ALK: variants seen among roughly 807,000 people sequenced by gnomAD.
ALK encodes the protein ALK receptor tyrosine kinase, also known as ALK tyrosine kinase receptor.
Under a neutral mutation model 163.1 loss-of-function variants are expected in ALK, and 74 were observed. The ratio of observed to expected loss-of-function variants is 0.45; its 90% CI spans 0.38 to 0.55. The LOEUF is 0.55. Among genes scored for constraint, ALK ranks in the 20% least tolerant of loss-of-function variants. The pLI is 0.00. For missense variants in ALK, 2,063 were observed against 2,105.3 expected (o/e 0.98, Z 0.39); for synonymous variants, 960 against 843.2 (o/e 1.14, Z -2.40).
chr2:29,728,074 T>C lies in ALK; in HGVS notation c.668-10377A>G, dbSNP rs75765940. Reference sequence around the variant, plus strand: ...AGGAGGGAGAAGAAATAGGGAGACATGTTTTTGTTCTTTAAACCTTTAAGC... The same window carrying C: ...AGGAGGGAGAAGAAATAGGGAGACACGTTTTTGTTCTTTAAACCTTTAAGC... On this transcript the variant is annotated intron_variant, in intron 1 of 28. Coordinates refer to ENST00000389048, the MANE Select transcript of ALK (RefSeq NM_004304.5). 9.3e-3 allele frequency among the ~76,000 whole-genome samples: 1,414 copies of C among 152,284 alleles called. 30 individuals are homozygous for C. The highest frequency in any genetic ancestry group is 0.031 in the African/African-American group (1,283 of 41,540).
At chr2:29,526,354 T>C (rs1019435860) in intron 4 of ALK, among the ~76,000 whole-genome samples, 7 of 152,232 alleles carry the variant, frequency 4.6e-5, no homozygotes, top group African/African-American at 1.7e-4. Context: ...GCCCACTGTG[T>C]GCTCAGAGAA....
intron 1 of ALK, among the ~76,000 whole-genome samples, chr2:29,755,602 C>T (rs1000909911): frequency 8.5e-5 from 13 of 152,192 alleles, no homozygotes; most frequent in Non-Finnish European, 1.8e-4. Context: ...ACAGGCTCAC[C>T]ATTCCGGGGT....
intron 5 of ALK, among the ~76,000 whole-genome samples, chr2:29,353,179 G>A (rs1668161255): frequency 6.6e-6 from 1 of 152,200 alleles, no homozygotes; most frequent in African/African-American, 2.4e-5. Flanking sequence ...GATATTTGCA[G>A]ACCCTCTACT....
intron 3 of ALK, among the ~76,000 whole-genome samples, chr2:29,583,519 C>A (rs1674786413): frequency 1.5e-5 from 2 of 129,978 alleles, no homozygotes; most frequent in South Asian, 4.4e-4. Flanking sequence ...GATGCATCCT[C>A]ATTCTAATTC....
At chr2:29,236,539 T>C (rs77522527) in intron 13 of ALK, among the ~76,000 whole-genome samples, 15,706 of 152,204 alleles carry the variant, frequency 0.1, 1,054 homozygotes, top group Non-Finnish European at 0.14. Flanking sequence ...TTCTGACCCA[T>C]GCTCATCCCC....
intron 1 of ALK, among the ~76,000 whole-genome samples, chr2:29,900,111 C>T (rs929586567): frequency 6.6e-6 from 1 of 152,266 alleles, no homozygotes; most frequent in Non-Finnish European, 1.5e-5. Context: ...GGGGCTCTGG[C>T]CCACGCCAAT....
chr2:29,775,991 G>A (rs1681164846), intron 1 of ALK, among the ~76,000 whole-genome samples: 1 of 152,216 alleles, frequency 6.6e-6, no homozygotes, highest in African/African-American at 2.4e-5. Context: ...CTGGAAGGCA[G>A]TGATGGAGAG....
intron 1 of ALK, among the ~76,000 whole-genome samples, chr2:29,819,155 C>A (rs1462083699): frequency 6.6e-6 from 1 of 152,210 alleles, no homozygotes; most frequent in East Asian, 1.9e-4. Context: ...CAACCAGAAC[C>A]TATTGAATCC....
chr2:29,824,906 G>T lies in ALK; in HGVS notation c.667+95087C>A, dbSNP rs1335675723. On this transcript the variant is annotated intron_variant, in intron 1 of 28. Transcript: ENST00000389048. The stretch of plus-strand genomic sequence containing the variant: ...TGAGATTTGGGAGAGGCCAGAAGTG[G>T]AATGATATGGTTTGGCTATGTTCCC... Among the ~76,000 whole-genome samples, 7 of 152,174 alleles carry T rather than the reference G, an allele frequency of 4.6e-5. No individual in the cohort carries two copies. In the South Asian group the frequency reaches 1.5e-3, roughly 32 times the overall value.
chr2:29,270,790 T>C (rs1185705711), intron 11 of ALK, among the ~76,000 whole-genome samples: 2 of 152,156 alleles, frequency 1.3e-5, no homozygotes, highest in Non-Finnish European at 2.9e-5. Flanking sequence ...CTGTTAATGA[T>C]GCCATTAACA....
chr2:29,639,618 G>A (rs758628521), intron 3 of ALK, among the ~76,000 whole-genome samples: 2 of 152,144 alleles, frequency 1.3e-5, no homozygotes, highest in African/African-American at 4.8e-5. Context: ...CCAGGTGTGC[G>A]AGCTATAGGC....
intron 28 of ALK, among the ~76,000 whole-genome samples, chr2:29,194,203 G>A (rs1668965813): frequency 6.6e-6 from 1 of 151,482 alleles, no homozygotes; most frequent in Non-Finnish European, 1.5e-5. Context: ...CCTTTGGCCA[G>A]TTTTTAAAGA....
intron 1 of ALK, among the ~76,000 whole-genome samples, chr2:29,766,124 C>A (rs1360663034): frequency 6.6e-6 from 1 of 152,188 alleles, no homozygotes; most frequent in Non-Finnish European, 1.5e-5. Context: ...ATTAACTCAA[C>A]AGAATCCACA....
intron 4 of ALK, among the ~76,000 whole-genome samples, chr2:29,487,863 C>T (rs988583988): frequency 6.6e-6 from 1 of 152,184 alleles, no homozygotes; most frequent in African/African-American, 2.4e-5. Context: ...CTCCCTCTCT[C>T]CAAAGCCTGC....
At chr2:29,527,712 G>A (rs1039891978) in intron 4 of ALK, among the ~76,000 whole-genome samples, 1 of 152,014 alleles carries the variant, frequency 6.6e-6, no homozygotes, top group Non-Finnish European at 1.5e-5. Context: ...TGGGGGTCTC[G>A]CTATGTTGCC....
At chr2:29,573,820 A>C in intron 3 of ALK, among the ~76,000 whole-genome samples, 1 of 152,368 alleles carries the variant, frequency 6.6e-6, no homozygotes, top group South Asian at 2.1e-4. Context: ...AACAGACAGT[A>C]TACAAATAAA....
intron 2 of ALK, among the ~76,000 whole-genome samples, chr2:29,695,781 T>A (rs962806566): frequency 6.6e-6 from 1 of 152,192 alleles, no homozygotes; most frequent in Admixed American, 6.5e-5. Context: ...TCATTACTGG[T>A]CATTAGAGAA....
At chr2:29,462,069 G>A (rs939824447) in intron 4 of ALK, among the ~76,000 whole-genome samples, 8 of 152,158 alleles carry the variant, frequency 5.3e-5, no homozygotes, top group Non-Finnish European at 4.4e-5. Context: ...CAGAGAAGTA[G>A]AATTAGAAGG....
chr2:29,211,468 A>G (rs537460386), intron 24 of ALK, among the ~76,000 whole-genome samples: 7 of 152,366 alleles, frequency 4.6e-5, no homozygotes, highest in Admixed American at 1.3e-4. Context: ...AGTACATAGA[A>G]TACATCAAGA....
Sources: allele counts gnomAD v4.1 joint callset (sites outside exome capture counted in the v4.1 genomes callset), GRCh38; gene constraint gnomAD v4.1.1; transcripts MANE v1.5; gene names NCBI Gene and HGNC (gene_info 2026-07-23, HGNC 2026-07-21).